The following PTPN4 variants were observed in gnomAD, a reference collection of about 807,000 sequenced individuals.
PTPN4 encodes the protein tyrosine-protein phosphatase non-receptor type 4.
In PTPN4, 49 loss-of-function variants were observed where a neutral mutation model predicts 135.5. That is an observed-to-expected ratio of 0.36 (90% CI 0.29 to 0.46). The LOEUF (loss-of-function observed/expected upper bound fraction) is 0.46, where lower values mean the gene tolerates loss of function less well. Among genes scored for constraint, PTPN4 ranks in the 20% least tolerant of loss-of-function variants. PTPN4 has a pLI of 1.00. For synonymous variants in PTPN4, 333 were observed against 369.9 expected (o/e 0.90, Z 1.14); for missense variants, 860 against 1,101.0 (o/e 0.78, Z 3.10).
chr2:119,874,580 A>C (rs1178342450), intron 3 of PTPN4, among the ~76,000 whole-genome samples: 1 of 152,194 alleles, frequency 6.6e-6, no homozygotes, highest in Non-Finnish European at 1.5e-5. Context: ...TTGTAGAGAC[A>C]GAATGTAGGT....
At chr2:119,971,001 T>C (rs1405830481) in intron 26 of PTPN4, among the ~76,000 whole-genome samples, 3 of 152,256 alleles carry the variant, frequency 2.0e-5, no homozygotes, top group Non-Finnish European at 4.4e-5. Flanking sequence ...TATGAAGTAG[T>C]ATCTCACTGT....
chr2:119,824,794 TCTC>T (rs1241991389), intron 2 of PTPN4, among the ~76,000 whole-genome samples: 1 of 152,070 alleles, frequency 6.6e-6, no homozygotes, highest in Non-Finnish European at 1.5e-5. Flanking sequence ...TTCAAGCACT[TCTC>T]CTGCCTCAGC....
chr2:119,897,125 G>T (rs1288484380), intron 9 of PTPN4, among the ~76,000 whole-genome samples: 1 of 152,066 alleles, frequency 6.6e-6, no homozygotes, highest in Non-Finnish European at 1.5e-5. Context: ...TAGAGACGGG[G>T]TTTCACCATG....
At chr2:119,796,451 A>T (rs1359933445) in intron 1 of PTPN4, among the ~76,000 whole-genome samples, 1 of 152,188 alleles carries the variant, frequency 6.6e-6, no homozygotes. Flanking sequence ...AAATGGAATC[A>T]TACAGTATAT....
intron 3 of PTPN4, among the ~76,000 whole-genome samples, chr2:119,872,696 T>A (rs554166465): frequency 6.6e-6 from 1 of 152,312 alleles, no homozygotes; most frequent in African/African-American, 2.4e-5. Flanking sequence ...TGAGGTGATA[T>A]GTTTCATGAC....
intron 1 of PTPN4, among the ~76,000 whole-genome samples, chr2:119,781,078 C>G (rs1401977192): frequency 1.3e-5 from 2 of 152,130 alleles, no homozygotes; most frequent in Non-Finnish European, 2.9e-5. Flanking sequence ...TTTCATATTT[C>G]CTGATAGGAG....
intron 13 of PTPN4, among the ~76,000 whole-genome samples, chr2:119,927,938 CT>C (rs1678849557): frequency 2.0e-5 from 3 of 151,944 alleles, no homozygotes; most frequent in Admixed American, 2.0e-4. Flanking sequence ...CTTTTTTCCC[CT>C]AGTAATATAA....
chr2:119,845,769 A>G (rs1474193041), intron 2 of PTPN4, among the ~76,000 whole-genome samples: 1 of 152,088 alleles, frequency 6.6e-6, no homozygotes, highest in Non-Finnish European at 1.5e-5. Flanking sequence ...AGATTTGTAT[A>G]GTGTCTTCAG....
rs549010745 is a variant in PTPN4 at position 119,786,932 on chromosome 2, G to A, written c.-17-22905G>A. On this transcript the variant is annotated intron_variant, in intron 1 of 26. Transcript: ENST00000263708. ...CTGACCTGGTCCTACCTGGCTTTAG[G>A]TTGGGCACTTACTATAATACAGTTC... Among the ~76,000 whole-genome samples the A allele has an allele frequency of 8.5e-5, 13 of 152,248 alleles. 2 individuals carry two copies. In the South Asian group the frequency reaches 1.9e-3, roughly 22 times the overall value.
intron 1 of PTPN4, among the ~76,000 whole-genome samples, chr2:119,801,836 A>G (rs1033392828): frequency 1.3e-5 from 2 of 151,770 alleles, no homozygotes; most frequent in African/African-American, 4.8e-5. Flanking sequence ...TTCATCTGCA[A>G]AAATGTTTAA....
At chr2:119,767,106 G>T (rs894211420) in intron 1 of PTPN4, among the ~76,000 whole-genome samples, 5 of 152,202 alleles carry the variant, frequency 3.3e-5, no homozygotes, top group Admixed American at 1.3e-4. Context: ...TGTACCGTGT[G>T]TATACACAGC....
intron 2 of PTPN4, among the ~76,000 whole-genome samples, chr2:119,819,462 T>A (rs557124928): frequency 5.9e-5 from 9 of 152,210 alleles, no homozygotes; most frequent in Admixed American, 2.0e-4. Flanking sequence ...ACATTTAACA[T>A]GTTACTTGCT....
intron 1 of PTPN4, among the ~76,000 whole-genome samples, chr2:119,804,117 A>G (rs1691424336): frequency 6.6e-6 from 1 of 151,732 alleles, no homozygotes; most frequent in South Asian, 2.1e-4. Context: ...AATCACTGTC[A>G]TTTTAGTTTC....
intron 5 of PTPN4, chr2:119,880,152 T>C (rs1313492989): frequency 1.3e-5 from 2 of 152,158 alleles, no homozygotes; most frequent in African/African-American, 4.8e-5. Context: ...ACTAGGCAAG[T>C]TGATACTACT....
intron 3 of PTPN4, among the ~76,000 whole-genome samples, chr2:119,872,220 C>T (rs1229560774): frequency 2.0e-5 from 3 of 151,838 alleles, no homozygotes; most frequent in Non-Finnish European, 4.4e-5. Flanking sequence ...TTTTACTAAA[C>T]CCTATGTTTT....
chr2:119,875,600 C>G (rs565025092), intron 3 of PTPN4, among the ~76,000 whole-genome samples: 15 of 152,256 alleles, frequency 9.9e-5, no homozygotes, highest in African/African-American at 3.6e-4. Context: ...TTAAACAGGG[C>G]TGAAAACCCT....
chr2:119,948,138 T>A (rs1260761859), intron 18 of PTPN4, among the ~76,000 whole-genome samples: 1 of 152,098 alleles, frequency 6.6e-6, no homozygotes, highest in Non-Finnish European at 1.5e-5. Context: ...ATTATTTATT[T>A]TATATATATT....
intron 5 of PTPN4, chr2:119,879,964 T>TA (rs1480660333): frequency 6.9e-6 from 1 of 145,050 alleles, no homozygotes; most frequent in African/African-American, 2.6e-5. Context: ...AATATCCCTT[T>TA]AACTAATGAA....
chr2:119,772,909 T>C (rs978103470), intron 1 of PTPN4, among the ~76,000 whole-genome samples: 1 of 152,198 alleles, frequency 6.6e-6, no homozygotes, highest in African/African-American at 2.4e-5. Flanking sequence ...TGTTACTTAA[T>C]GTAAGGTATC....
Sources: gnomAD v4.1 joint callset for allele counts (sites outside exome capture counted in the v4.1 genomes callset) on GRCh38, gnomAD v4.1.1 for gene constraint, MANE v1.5 for transcripts, NCBI Gene and HGNC (gene_info 2026-07-23, HGNC 2026-07-21) for gene names.